Variants in LINGO2 observed in about 807,000 individuals in gnomAD.
The protein encoded by LINGO2 is leucine-rich repeat and immunoglobulin-like domain-containing nogo receptor-interacting protein 2.
LINGO2 carries 14 observed loss-of-function variants against 30.6 expected under a neutral mutation model. The observed-to-expected ratio is 0.46, with a 90% CI of 0.30 to 0.72. The LOEUF (loss-of-function observed/expected upper bound fraction) is 0.72, where lower values mean the gene tolerates loss of function less well. Among genes scored for constraint, LINGO2 ranks in the 30% least tolerant of loss-of-function variants. LINGO2 has a pLI of 0.07. For missense variants in LINGO2, 729 were observed against 751.7 expected, an observed-to-expected ratio of 0.97 and a Z score of 0.35; for synonymous variants, 317 against 288.5, an observed-to-expected ratio of 1.10 and a Z score of -1.00.
the LINGO2 span, among the ~76,000 whole-genome samples, chr9:28,721,192 T>A: frequency 2.6e-5 from 4 of 152,108 alleles, no homozygotes; most frequent in Admixed American, 6.6e-5. Flanking sequence ...AGAAAAGCAA[T>A]GCTTTTACAC....
chr9:28,881,785 T>C, the LINGO2 span, among the ~76,000 whole-genome samples: 1 of 152,202 alleles, frequency 6.6e-6, no homozygotes, highest in Non-Finnish European at 1.5e-5. Context: ...TTCTTCCTGA[T>C]CTTCTCCCTT....
the LINGO2 span, among the ~76,000 whole-genome samples, chr9:29,076,214 C>T: frequency 3.9e-5 from 6 of 152,038 alleles, no homozygotes; most frequent in Admixed American, 6.6e-5. Context: ...TCTGGGAAGA[C>T]ACTTGACTAA....
the LINGO2 span, among the ~76,000 whole-genome samples, chr9:28,994,351 G>C: frequency 2.9e-4 from 44 of 152,102 alleles, no homozygotes. Context: ...ACAAACCACT[G>C]CTCAATGAAA....
the LINGO2 span, among the ~76,000 whole-genome samples, chr9:28,887,144 G>T: frequency 1.4e-4 from 21 of 152,142 alleles, no homozygotes; most frequent in African/African-American, 4.3e-4. Context: ...ATACAAACAC[G>T]CTTGTCAGTT....
the LINGO2 span, among the ~76,000 whole-genome samples, chr9:28,868,935 T>G: frequency 6.6e-6 from 1 of 152,146 alleles, no homozygotes; most frequent in Admixed American, 6.6e-5. Context: ...TATCATTTAC[T>G]GATATATTTG....
intron 4 of LINGO2, among the ~76,000 whole-genome samples, chr9:28,018,930 A>G (rs1822975746): frequency 1.3e-5 from 2 of 152,224 alleles, no homozygotes; most frequent in Admixed American, 6.5e-5. Context: ...ATCATACACT[A>G]TGGGATACTA....
chr9:28,214,970 G>A (rs1459184612), intron 4 of LINGO2, among the ~76,000 whole-genome samples: 2 of 151,644 alleles, frequency 1.3e-5, no homozygotes, highest in Non-Finnish European at 3.0e-5. Flanking sequence ...GACATGTTCT[G>A]TACATCCTTC....
chr9:28,061,375 C>T (rs1014452133), intron 4 of LINGO2, among the ~76,000 whole-genome samples: 2 of 151,546 alleles, frequency 1.3e-5, no homozygotes, highest in African/African-American at 4.9e-5. Flanking sequence ...CATAACTACG[C>T]CTCAGTGGCA....
chr9:28,210,240 T>C (rs1360385980), intron 4 of LINGO2, among the ~76,000 whole-genome samples: 1 of 151,684 alleles, frequency 6.6e-6, no homozygotes, highest in East Asian at 1.9e-4. Flanking sequence ...ATTCAGCATA[T>C]TTTAAGTAAA....
At chr9:28,929,460 C>A in the LINGO2 span, among the ~76,000 whole-genome samples, 21 of 152,288 alleles carry the variant, frequency 1.4e-4, no homozygotes, top group East Asian at 3.5e-3. Flanking sequence ...GGTTCCATAT[C>A]CTCAGAGAAG....
chr9:28,052,255 A>T (rs1347946541), intron 4 of LINGO2, among the ~76,000 whole-genome samples: 1 of 152,136 alleles, frequency 6.6e-6, no homozygotes, highest in South Asian at 2.1e-4. Context: ...TGTAAGTTTG[A>T]GAGTCACTTC....
At chr9:28,007,240 C>T (rs1055892405) in intron 5 of LINGO2, among the ~76,000 whole-genome samples, 7 of 152,012 alleles carry the variant, frequency 4.6e-5, no homozygotes, top group Non-Finnish European at 1.0e-4. Context: ...TCATCGTCCA[C>T]GTTAGGAAGT....
At chr9:28,594,215 C>T (rs1825064271) in intron 1 of LINGO2, among the ~76,000 whole-genome samples, 1 of 151,948 alleles carries the variant, frequency 6.6e-6, no homozygotes, top group African/African-American at 2.4e-5. Context: ...AAGGTTCTCT[C>T]TACATAGGAA....
At chr9:28,428,921 C>T (rs1190291485) in intron 2 of LINGO2, among the ~76,000 whole-genome samples, 1 of 152,106 alleles carries the variant, frequency 6.6e-6, no homozygotes, top group East Asian at 1.9e-4. Context: ...CTTTGGTTAT[C>T]CTTACACTCA....
At chr9:28,929,561 C>T in the LINGO2 span, among the ~76,000 whole-genome samples, 1 of 152,084 alleles carries the variant, frequency 6.6e-6, no homozygotes, top group East Asian at 1.9e-4. Flanking sequence ...GCAAATAGTC[C>T]CAGTCTGTAA....
At chr9:28,565,486 G>T (rs1034100026) in intron 1 of LINGO2, among the ~76,000 whole-genome samples, 3 of 149,492 alleles carry the variant, frequency 2.0e-5, no homozygotes, top group African/African-American at 7.4e-5. Context: ...TGCCTGATAA[G>T]GAAAAATTAT....
chr9:28,919,937 A>T, the LINGO2 span, among the ~76,000 whole-genome samples: 1 of 152,312 alleles, frequency 6.6e-6, no homozygotes, highest in East Asian at 1.9e-4. Context: ...AATTTAAATG[A>T]GTGAATATTT....
rs946088105 is a variant in LINGO2 at position 28,175,503 on chromosome 9, A to G, written c.-87+119705T>C. Reference sequence around the variant, plus strand: ...CTTCGTGATTCAGACAATTGAATACAACATCCTCAATGAGACATTGCCAAC... The same window carrying G: ...CTTCGTGATTCAGACAATTGAATACGACATCCTCAATGAGACATTGCCAAC... On this transcript the variant is annotated intron_variant, in intron 4 of 5. Transcript: ENST00000379992. 3.3e-5 allele frequency among the ~76,000 whole-genome samples: 5 copies of G among 152,196 alleles called. No individual in the cohort carries two copies. In the East Asian group the frequency reaches 9.6e-4, roughly 29 times the overall value.
At chr9:28,993,612 C>A in the LINGO2 span, among the ~76,000 whole-genome samples, 1 of 150,550 alleles carries the variant, frequency 6.6e-6, no homozygotes, top group Non-Finnish European at 1.5e-5. Context: ...ATGCGAAAAT[C>A]CTCAATAAAA....
Sources: allele counts gnomAD v4.1 joint callset (sites outside exome capture counted in the v4.1 genomes callset), GRCh38; gene constraint gnomAD v4.1.1; transcripts MANE v1.5; gene names NCBI Gene and HGNC (gene_info 2026-07-23, HGNC 2026-07-21).